The following MLLT10 variants were observed in gnomAD, a reference collection of about 807,000 sequenced individuals.
MLLT10 encodes protein AF-10.
MLLT10 carries 30 observed loss-of-function variants against 129.1 expected under a neutral mutation model. The observed-to-expected ratio is 0.23, with a 90% CI of 0.17 to 0.32. The LOEUF (loss-of-function observed/expected upper bound fraction) is 0.32, where lower values mean the gene tolerates loss of function less well. Among genes scored for constraint, MLLT10 ranks in the 10% least tolerant of loss-of-function variants. The pLI, the probability that MLLT10 is intolerant of heterozygous loss-of-function variation, is 1.00. For missense variants in MLLT10, 1,119 were observed against 1,268.3 expected (o/e 0.88, Z 1.79); for synonymous variants, 490 against 446.4 (o/e 1.10, Z -1.23).
intron 13 of MLLT10, among the ~76,000 whole-genome samples, chr10:21,686,128 C>T (rs903895589): frequency 1.1e-3 from 162 of 152,172 alleles, no homozygotes; most frequent in African/African-American, 3.6e-3. Context: ...AGTGAAATAG[C>T]GAAATTAAAC....
chr10:21,670,476 A>G lies in MLLT10; in HGVS notation c.823A>G (p.Ile275Val), dbSNP rs771445621. The change falls in exon 10 of 23, where the codon ATA becomes GTA. Residue 275 changes from isoleucine (I) to valine (V), a missense_variant. Ile to Val is a conservative substitution (Grantham distance 29). Transcript: ENST00000307729. ...TTATACAAGCACTAGCAACAACTCT[A>G]TATCTGGATCATTGAAGCGCTTGGA... ...KTYTSTSNNS[I>V]SGSLKRLEDT... The G allele has an allele frequency of 1.1e-5, 18 of 1,613,818 alleles. No individual in the cohort carries two copies. In the South Asian group the frequency reaches 1.3e-4, roughly 12 times the overall value.
intron 16 of MLLT10, among the ~76,000 whole-genome samples, chr10:21,730,338 A>G (rs535974176): frequency 7.9e-4 from 118 of 149,762 alleles, no homozygotes; most frequent in African/African-American, 2.7e-3. Context: ...AATTGCTTTG[A>G]TCTTATTTCT....
At chr10:21,696,595 C>T (rs2054385223) in intron 13 of MLLT10, among the ~76,000 whole-genome samples, 1 of 152,114 alleles carries the variant, frequency 6.6e-6, no homozygotes, top group South Asian at 2.1e-4. Context: ...CTGTTGGAAA[C>T]ATCTTCTATT....
At chr10:21,593,698 T>C (rs190301676) in intron 4 of MLLT10, among the ~76,000 whole-genome samples, 1 of 151,892 alleles carries the variant, frequency 6.6e-6, no homozygotes, top group Non-Finnish European at 1.5e-5. Context: ...AGGCTGAGAC[T>C]GGTGGATCAC....
intron 11 of MLLT10, among the ~76,000 whole-genome samples, chr10:21,675,574 T>G (rs1411939294): frequency 2.0e-5 from 3 of 152,230 alleles, no homozygotes; most frequent in Non-Finnish European, 4.4e-5. Context: ...ATGCTTTTAT[T>G]TATATGTTTC....
At chr10:21,725,989 G>A (rs1324725455) in intron 14 of MLLT10, among the ~76,000 whole-genome samples, 1 of 151,950 alleles carries the variant, frequency 6.6e-6, no homozygotes, top group Non-Finnish European at 1.5e-5. Context: ...CTGATCTCGT[G>A]ATCTGCCCAC....
chr10:21,722,486 G>GT (rs1008309216), intron 14 of MLLT10, among the ~76,000 whole-genome samples: 2 of 152,006 alleles, frequency 1.3e-5, no homozygotes, highest in South Asian at 2.1e-4. Flanking sequence ...TCTTATTCCA[G>GT]TTTTTTTTAA....
At chr10:21,655,959 G>T (rs1342055711) in intron 9 of MLLT10, among the ~76,000 whole-genome samples, 1 of 152,154 alleles carries the variant, frequency 6.6e-6, no homozygotes, top group Non-Finnish European at 1.5e-5. Flanking sequence ...AATAGGGGAG[G>T]TTCACAACCG....
Position 21,741,950 on chromosome 10 carries a change from T to C in MLLT10, c.3174T>C (p.Asp1058=). The change falls in exon 23 of 23, where the codon GAT becomes GAC. Residue 1058 remains aspartate (D), a synonymous_variant. Transcript: ENST00000307729. ...NASQKVARLS[D]KTGPVAQEKS is the part of the protein sequence containing the mutation. ...TTGTTTACCTGCAGAGACTTAGTGA[T>C]AAAACTGGGCCTGTAGCTCAAGAGA... is the stretch of plus-strand genomic sequence containing the variant. 1.2e-6 allele frequency: 2 copies of C among 1,611,886 alleles called. No homozygotes were observed. Among genetic ancestry groups the C allele is most frequent in the Non-Finnish European group, 1.7e-6 (2 of 1,179,526 alleles).
At chr10:21,730,000 AT>A (rs1291691673) in intron 16 of MLLT10, among the ~76,000 whole-genome samples, 1 of 152,190 alleles carries the variant, frequency 6.6e-6, no homozygotes, top group Non-Finnish European at 1.5e-5. Flanking sequence ...ACGGTGGCTC[AT>A]GCCTATAATC....
intron 8 of MLLT10, among the ~76,000 whole-genome samples, chr10:21,645,141 G>C (rs1404975792): frequency 6.6e-6 from 1 of 152,122 alleles, no homozygotes; most frequent in Non-Finnish European, 1.5e-5. Context: ...CAGAATTTTT[G>C]GGAATTAAGG....
chr10:21,602,439 T>G (rs1322273018), intron 5 of MLLT10, among the ~76,000 whole-genome samples: 2 of 152,188 alleles, frequency 1.3e-5, no homozygotes, highest in African/African-American at 4.8e-5. Context: ...TGTGATAATC[T>G]TTTTATAGGG....
At chr10:21,696,370 G>A (rs893806001) in intron 13 of MLLT10, among the ~76,000 whole-genome samples, 1 of 151,878 alleles carries the variant, frequency 6.6e-6, no homozygotes, top group Non-Finnish European at 1.5e-5. Flanking sequence ...CTCATTTTTA[G>A]GTAATTTTAA....
rs143663156 is a variant in MLLT10 at position 21,534,690 on chromosome 10, C to T, written c.46C>T (p.His16Tyr). ...RPVSLEDEVS[H>Y]SMKEMIGGCC... ...CGTGTCACTGGAGGACGAGGTCTCC[C>T]ATAGTATGAAGGAGATGATTGGAGG... The change falls in exon 2 of 23, where the codon CAT becomes TAT. Residue 16 changes from histidine to tyrosine, a missense_variant. This residue lies in a region of MLLT10 where 35 missense variants were observed against 26.0 expected (regional missense o/e 1.35). Transcript: ENST00000307729. 70 of 1,612,724 alleles carry T rather than the reference C, an allele frequency of 4.3e-5. No individual in the cohort carries two copies. The highest frequency in any genetic ancestry group is 5.9e-5 in the Non-Finnish European group (69 of 1,179,262).
chr10:21,661,208 G>A (rs923729998), intron 9 of MLLT10, among the ~76,000 whole-genome samples: 9 of 152,146 alleles, frequency 5.9e-5, no homozygotes, highest in African/African-American at 2.2e-4. Flanking sequence ...GTGTTTTATG[G>A]TCTAGAATGT....
intron 8 of MLLT10, chr10:21,625,859 C>T (rs911752281): frequency 7.7e-6 from 6 of 778,280 alleles, no homozygotes; most frequent in East Asian, 2.4e-5. Context: ...TATGATAAGA[C>T]GTAGATCCCA....
intron 16 of MLLT10, among the ~76,000 whole-genome samples, chr10:21,729,752 T>TA (rs1316301779): frequency 2.0e-5 from 3 of 152,192 alleles, no homozygotes; most frequent in African/African-American, 7.2e-5. Context: ...GTGGAGATCA[T>TA]ATGAGATATA....
intron 8 of MLLT10, among the ~76,000 whole-genome samples, chr10:21,634,437 A>G (rs940936203): frequency 6.6e-6 from 1 of 152,200 alleles, no homozygotes; most frequent in Non-Finnish European, 1.5e-5. Context: ...ATATGATATT[A>G]GTTTATCCCA....
At chr10:21,674,522 A>G (rs1462754111) in intron 11 of MLLT10, among the ~76,000 whole-genome samples, 1 of 152,110 alleles carries the variant, frequency 6.6e-6, no homozygotes, top group Non-Finnish European at 1.5e-5. Context: ...CATTCTTTTT[A>G]TTATAAGACA....
Sources: allele counts gnomAD v4.1 joint callset (sites outside exome capture counted in the v4.1 genomes callset), GRCh38; gene constraint gnomAD v4.1.1; regional missense constraint gnomAD v4.1.1; transcripts MANE v1.5; gene names NCBI Gene and HGNC (gene_info 2026-07-23, HGNC 2026-07-21).